RBP7: variants seen among roughly 807,000 people sequenced by gnomAD.
RBP7 encodes retinol binding protein 7.
In RBP7, 13 loss-of-function variants were observed where a neutral mutation model predicts 16.7. That is an observed-to-expected ratio of 0.78 (90% CI 0.51 to 1.24). The LOEUF (loss-of-function observed/expected upper bound fraction) is 1.24. Ranked by LOEUF, RBP7 falls within the 50% of genes most tolerant of loss-of-function variation. The pLI is 0.00. For synonymous variants in RBP7, 54 were observed against 56.2 expected (o/e 0.96, Z 0.17); for missense variants, 145 against 159.5 (o/e 0.91, Z 0.49).
At chr1:10,013,097 G>A (rs1365913697) in intron 3 of RBP7, among the ~76,000 whole-genome samples, 1 of 138,910 alleles carries the variant, frequency 7.2e-6, no homozygotes, top group Non-Finnish European at 1.5e-5. Context: ...TTTTCAGACA[G>A]AGTCTCACTC....
chr1:9,997,918 A>G lies in RBP7; in HGVS notation c.73+587A>G, dbSNP rs1025374670. On this transcript the variant is annotated intron_variant, in intron 1 of 3. Transcript: ENST00000294435. The surrounding 1 kb of genome is among the most constrained non-coding windows in gnomAD (Gnocchi z 5.9). Reference sequence around the variant, plus strand: ...CCCTTCAGGTCCGGGCACCCGCGGGAGTGCAGAGCCTGGTTCGGCCCGGGG... The same window carrying G: ...CCCTTCAGGTCCGGGCACCCGCGGGGGTGCAGAGCCTGGTTCGGCCCGGGG... Among the ~76,000 whole-genome samples, 3 of 151,992 alleles carry G rather than the reference A, an allele frequency of 2.0e-5. No homozygotes were observed. The highest frequency in any genetic ancestry group is 2.9e-5 in the Non-Finnish European group (2 of 67,966).
At chr1:10,013,165 T>G (rs1279754918) in intron 3 of RBP7, among the ~76,000 whole-genome samples, 1 of 149,808 alleles carries the variant, frequency 6.7e-6, no homozygotes, top group East Asian at 2.1e-4. Context: ...CTCCTCCTCC[T>G]GGGTTCAAGT....
Position 10,007,672 on chromosome 1 carries a change from GGAACTACT to G in RBP7, c.177_184del (p.Arg59SerfsTer5). ...ACCATCCACACGAACAGCAGCCTAA[GGAACTACT>G]TTGTGAAATTTAAAGTTGGAGAAGA... On this transcript the variant is annotated frameshift_variant, in exon 2 of 4. Transcript: ENST00000294435. LOFTEE classifies it high-confidence loss of function. 1.9e-6 allele frequency: 3 copies of G among 1,614,000 alleles called. No individual in the cohort carries two copies. Among genetic ancestry groups the G allele is most frequent in the Non-Finnish European group, 2.5e-6 (3 of 1,179,972 alleles).
In RBP7 at chr1:9,997,530, C is replaced by T. The variant is rs1642195531; in HGVS notation, c.73+199C>T. Among the ~76,000 whole-genome samples, 1 of 151,896 alleles carries T rather than the reference C, an allele frequency of 6.6e-6. No homozygotes were observed. Among genetic ancestry groups the T allele is most frequent in the African/African-American group, 2.4e-5 (1 of 41,398 alleles). On this transcript the variant is annotated intron_variant, in intron 1 of 3. Transcript: ENST00000294435. This position sits in a 1 kb window ranked among gnomAD's most constrained non-coding sequence, Gnocchi z 5.9. ...GGCGCGGGACCCCAGTCCTTCAGTCCCCCAGTCCGTCCTTTCCCGCGCCCA... is the reference window on the plus strand; with the variant it reads ...GGCGCGGGACCCCAGTCCTTCAGTCTCCCAGTCCGTCCTTTCCCGCGCCCA...
rs547538287 is a variant in RBP7 at position 9,997,430 on chromosome 1, G to C, written c.73+99G>C. 44 of 1,175,156 alleles carry C rather than the reference G, an allele frequency of 3.7e-5. No homozygotes were observed. The South Asian group carries it at 5.7e-4, about 15-fold the overall frequency. 72.8% of individuals were successfully genotyped at this position (1,175,156 alleles called of 1,614,324 possible). A position where few individuals can be genotyped will look rare whatever the true frequency, so the allele number is the denominator to read the frequency against. On this transcript the variant is annotated intron_variant, in intron 1 of 3. Coordinates refer to ENST00000294435, the MANE Select transcript of RBP7 (RefSeq NM_052960.3). The surrounding 1 kb of genome is among the most constrained non-coding windows in gnomAD (Gnocchi z 5.9). ...GGGCCTGTAGGTACGTCCTCTGTCC[G>C]TGCCTCCGCCCTGCTGCGCCCACCG...
In RBP7 at chr1:10,015,107, G is replaced by A. The variant is rs539848296; in HGVS notation, c.355-675G>A. On this transcript the variant is annotated intron_variant, in intron 3 of 3. Transcript: ENST00000294435. ...TTATAACTATAATCCTAGCACTTTC[G>A]GAGGGCAAGGCAGGAAAATCATTTG... Among the ~76,000 whole-genome samples the A allele has an allele frequency of 9.9e-5, 15 of 152,138 alleles. No homozygotes were observed. In the South Asian group the frequency reaches 2.9e-3, roughly 29 times the overall value.
chr1:10,007,856 G>A, intron 2 of RBP7, 108 bp downstream of exon 2: 1 of 976,232 alleles, frequency 1.0e-6, no homozygotes, highest in South Asian at 1.7e-5. Flanking sequence ...AGACCAGCCT[G>A]GGCAACACGG....
At chr1:10,012,349 C>G (rs1642648321) in intron 3 of RBP7, among the ~76,000 whole-genome samples, 1 of 151,178 alleles carries the variant, frequency 6.6e-6, no homozygotes, top group Non-Finnish European at 1.5e-5. Flanking sequence ...CCACTGCACT[C>G]CAGCCTGGGG....
At chr1:10,015,641 C>G in intron 3 of RBP7, 141 bp from the exon 4 acceptor site, 1 of 666,122 alleles carries the variant, frequency 1.5e-6, no homozygotes, top group Non-Finnish European at 2.6e-6. Flanking sequence ...TTAGCCAGGA[C>G]GACAGAGTGA....
At position 10,007,734 on chromosome 1, in the gene RBP7, A is replaced by G. The variant is rs1345188880; in HGVS notation, c.238A>G (p.Asn80Asp). 1 of 1,611,346 alleles carries G rather than the reference A, an allele frequency of 6.2e-7. No homozygotes were observed. The highest frequency in any genetic ancestry group is 8.5e-7 in the Non-Finnish European group (1 of 1,179,360). The change falls in exon 2 of 4, where the codon AAC becomes GAC. Residue 80 changes from asparagine (N) to aspartate (D), a missense_variant. Coordinates refer to ENST00000294435, the MANE Select transcript of RBP7 (RefSeq NM_052960.3). ...TGATGAAGATAACAGAGGCCTGGAC[A>G]ACAGAAAATGCAAGGTAAAATGTAA... ...EFDEDNRGLD[N>D]RKCKSLVIWD...
chr1:10,005,293 C>G (rs568026746), intron 1 of RBP7, among the ~76,000 whole-genome samples: 2 of 152,128 alleles, frequency 1.3e-5, no homozygotes, highest in African/African-American at 2.4e-5. Flanking sequence ...CTCACTGCAA[C>G]CTCCGCCTCC....
chr1:10,014,725 A>G (rs1437256722), intron 3 of RBP7, among the ~76,000 whole-genome samples: 2 of 152,114 alleles, frequency 1.3e-5, no homozygotes, highest in Non-Finnish European at 2.9e-5. Context: ...TAAACTGGTA[A>G]TAGTAAGTAA....
chr1:9,999,416 G>A lies in RBP7; in HGVS notation c.73+2085G>A, dbSNP rs563400583. 7.5e-4 allele frequency among the ~76,000 whole-genome samples: 114 copies of A among 152,158 alleles called. 2 individuals carry two copies. The highest frequency in any genetic ancestry group is 1.4e-3 in the Non-Finnish European group (97 of 68,004). Reference sequence around the variant, plus strand: ...ACCAAAAAGAAATTAGCTGGGCATGGTGGCGGGCGCCTGTAATCCCAGCTA... The same window carrying A: ...ACCAAAAAGAAATTAGCTGGGCATGATGGCGGGCGCCTGTAATCCCAGCTA... On this transcript the variant is annotated intron_variant, in intron 1 of 3. Transcript: ENST00000294435.
At position 10,008,223 on chromosome 1, in the gene RBP7, A is replaced by G. The variant is rs1642502791; in HGVS notation, c.303A>G (p.Glu101=). ...GGCTCACCTGTATCCAGAAGGGAGA[A>G]AAGAAGAACAGAGGCTGGACCCATT... ...NDRLTCIQKG[E]KKNRGWTHWI... The change falls in exon 3 of 4, where the codon GAA becomes GAG. Residue 101 remains glutamate, a synonymous_variant. Transcript: ENST00000294435. The G allele has an allele frequency of 6.2e-7, 1 of 1,613,338 alleles. No individual in the cohort carries two copies. Among genetic ancestry groups the G allele is most frequent in the Non-Finnish European group, 8.5e-7 (1 of 1,179,606 alleles).
intron 3 of RBP7, 21 bp from the exon 4 acceptor site, chr1:10,015,761 C>T (rs1452703514): frequency 6.8e-6 from 11 of 1,611,070 alleles, no homozygotes; most frequent in Non-Finnish European, 9.3e-6. Flanking sequence ...CCTTCTTTTT[C>T]CCTTCCTCCT....
intron 3 of RBP7, among the ~76,000 whole-genome samples, chr1:10,008,582 A>G (rs1642514912): frequency 6.6e-6 from 1 of 151,508 alleles, no homozygotes. Context: ...CTGGGACTAC[A>G]GGCACGCACC....
At chr1:10,006,966 A>T (rs1337154669) in intron 1 of RBP7, 1 of 438,562 alleles carries the variant, frequency 2.3e-6, no homozygotes, top group Non-Finnish European at 4.5e-6. Flanking sequence ...TTTTTTTTTG[A>T]GATGGAGTCT....
chr1:10,001,509 G>A (rs1429785482), intron 1 of RBP7, among the ~76,000 whole-genome samples: 1 of 151,878 alleles, frequency 6.6e-6, no homozygotes, highest in Non-Finnish European at 1.5e-5. Context: ...GTCTTGCTGT[G>A]TTGTCCAGGC....
intron 3 of RBP7, among the ~76,000 whole-genome samples, chr1:10,015,507 C>CA (rs1461480961): frequency 6.8e-6 from 1 of 147,548 alleles, no homozygotes; most frequent in Non-Finnish European, 1.5e-5. Context: ...ACAAAAAACA[C>CA]AAAAATTAGC....
Sources: gnomAD v4.1 joint callset for allele counts (sites outside exome capture counted in the v4.1 genomes callset) on GRCh38, gnomAD v4.1.1 for gene constraint, Gnocchi (gnomAD v3.1) non-coding constraint, MANE v1.5 for transcripts, NCBI Gene and HGNC (gene_info 2026-07-23, HGNC 2026-07-21) for gene names.